YTHDC1: variants seen among roughly 807,000 people sequenced by gnomAD.
The protein encoded by YTHDC1 is YTH N6-methyladenosine RNA binding protein C1, also known as YTH domain-containing protein 1.
Under a neutral mutation model 107.0 loss-of-function variants are expected in YTHDC1, and 12 were observed. The observed-to-expected ratio is 0.11, with a 90% CI of 0.07 to 0.18. The LOEUF (loss-of-function observed/expected upper bound fraction) is 0.18, where lower values mean the gene tolerates loss of function less well. YTHDC1 is among the 10% of genes least tolerant of loss of function. The pLI is 1.00. For synonymous variants in YTHDC1, 280 were observed against 289.5 expected (o/e 0.97, Z 0.33); for missense variants, 635 against 898.8 (o/e 0.71, Z 3.75).
intron 1 of YTHDC1, among the ~76,000 whole-genome samples, chr4:68,345,785 T>C (rs1453375527): frequency 2.0e-5 from 3 of 152,038 alleles, no homozygotes; most frequent in East Asian, 3.9e-4. Flanking sequence ...TATATACACA[T>C]AGTATATACA....
In YTHDC1 at chr4:68,312,197, C is replaced by A. The variant is rs1721361184; in HGVS notation, c.*1902G>T. ...CACCAAATAAAAACATGGGTAAAAT[C>A]TTGGCCCATCAATTACTACCTTTCT... On this transcript the variant is annotated 3_prime_UTR_variant, in exon 17 of 17. Coordinates refer to ENST00000344157, the MANE Select transcript of YTHDC1 (RefSeq NM_001031732.4). 1 of 152,184 alleles carries A rather than the reference C, an allele frequency of 6.6e-6. No homozygotes were observed. Among genetic ancestry groups the A allele is most frequent in the Non-Finnish European group, 1.5e-5 (1 of 68,032 alleles). The allele number at this position is 152,184 out of a possible 1,614,324, so 9.4% of individuals were successfully genotyped here. A position where few individuals can be genotyped will look rare whatever the true frequency, so the allele number is the denominator to read the frequency against.
Position 68,337,885 on chromosome 4 carries a change from C to T in YTHDC1, c.146G>A (p.Ser49Asn). ...KNEKKGSKRK[S>N]DRMESTDTKR... Reference sequence around the variant, plus strand: ...GGTATCAGTAGATTCCATTCGATCACTTTTTCTTTTTGATCCTTTAAAATA... The same window carrying T: ...GGTATCAGTAGATTCCATTCGATCATTTTTTCTTTTTGATCCTTTAAAATA... The change falls in exon 3 of 17, where the codon AGT (serine) becomes AAT (asparagine). Residue 49 changes from serine (S) to asparagine (N), a missense_variant. Around this residue, in one of 5 missense-constraint regions of YTHDC1, gnomAD observed 294 missense variants for 312.3 expected, o/e 0.94. Transcript: ENST00000344157. 1 of 1,610,484 alleles carries T rather than the reference C, an allele frequency of 6.2e-7. No homozygotes were observed. The highest frequency in any genetic ancestry group is 8.5e-7 in the Non-Finnish European group (1 of 1,179,602).
intron 1 of YTHDC1, among the ~76,000 whole-genome samples, chr4:68,344,390 T>C (rs1442501671): frequency 1.3e-5 from 2 of 152,064 alleles, no homozygotes; most frequent in Admixed American, 6.5e-5. Context: ...AGTTTTAGTA[T>C]ACCGTATATA....
At position 68,333,415 on chromosome 4, in the gene YTHDC1, T is replaced by G; in HGVS notation, c.884-18A>C. ...TTTCTCATCTAAAAAGAACAAGAGTTTTTTTTTTAAATCACAATACAGAAA... is the reference window on the plus strand; with the variant it reads ...TTTCTCATCTAAAAAGAACAAGAGTGTTTTTTTTAAATCACAATACAGAAA... On this transcript the variant is annotated intron_variant, in intron 4 of 16. Coordinates refer to ENST00000344157, the MANE Select transcript of YTHDC1 (RefSeq NM_001031732.4). The G allele has an allele frequency of 6.4e-7, 1 of 1,561,738 alleles. No individual in the cohort carries two copies. The highest frequency in any genetic ancestry group is 8.7e-7 in the Non-Finnish European group (1 of 1,143,970).
At chr4:68,320,669 G>A (rs1722349815) in intron 11 of YTHDC1, among the ~76,000 whole-genome samples, 1 of 151,958 alleles carries the variant, frequency 6.6e-6, no homozygotes, top group Non-Finnish European at 1.5e-5. Context: ...GTCATTTTAG[G>A]TTAAGTCTAA....
chr4:68,315,480 T>C (rs1469480404), intron 16 of YTHDC1, among the ~76,000 whole-genome samples: 1 of 151,838 alleles, frequency 6.6e-6, no homozygotes, highest in Admixed American at 6.6e-5. Flanking sequence ...AAGTAGGGAG[T>C]GGAAAAAAAT....
rs1176129939 is a variant in YTHDC1 at position 68,312,861 on chromosome 4, T to G, written c.*1238A>C. The G allele has an allele frequency of 6.6e-6, 1 of 152,224 alleles. No individual in the cohort carries two copies. Among genetic ancestry groups the G allele is most frequent in the African/African-American group, 2.4e-5 (1 of 41,464 alleles). 9.4% of individuals were successfully genotyped at this position (152,224 alleles called of 1,614,324 possible). On this transcript the variant is annotated 3_prime_UTR_variant, in exon 17 of 17. Transcript: ENST00000344157. ...TAACTCAAGAAAAAATTCAAAAAAA[T>G]TATTTCATAAACTGTTTTCTTGAGC...
intron 2 of YTHDC1, 69 bp from the exon 3 acceptor site, chr4:68,337,969 G>A (rs1195863844): frequency 6.5e-7 from 1 of 1,529,864 alleles, no homozygotes. Flanking sequence ...ACCAAAGACT[G>A]ACAATAATAT....
intron 10 of YTHDC1, among the ~76,000 whole-genome samples, chr4:68,323,565 G>A (rs753583980): frequency 3.9e-5 from 6 of 151,900 alleles, no homozygotes; most frequent in South Asian, 2.1e-4. Flanking sequence ...TGTCTCGACC[G>A]AAAATACAAA....
At position 68,346,100 on chromosome 4, in the gene YTHDC1, T is replaced by TAC. The variant is rs1553908023; in HGVS notation, c.28+3624_28+3625dup. The stretch of plus-strand genomic sequence containing the variant: ...GTACATATATATATATATATATATA[T>TAC]ACACACACACCTGCATGTAACCGTC... On this transcript the variant is annotated intron_variant, in intron 1 of 16. Transcript: ENST00000344157. Among the ~76,000 whole-genome samples, 443 of 134,068 alleles carry TAC rather than the reference T, an allele frequency of 3.3e-3. 9 individuals are homozygous for TAC. The highest frequency in any genetic ancestry group is 0.027 in the East Asian group (129 of 4,734). The allele number at this position is 134,068 out of a possible 152,430, so 88.0% of individuals were successfully genotyped here. A position where few individuals can be genotyped will look rare whatever the true frequency, so the allele number is the denominator to read the frequency against.
rs573068074 is a variant in YTHDC1 at position 68,322,007 on chromosome 4, A to G, written c.1601+742T>C. ...GGCGATCCTCTAAAAAACACTTTTAAGTCCACAGGTACTGCCAGCATCTGG... is the reference window on the plus strand; with the variant it reads ...GGCGATCCTCTAAAAAACACTTTTAGGTCCACAGGTACTGCCAGCATCTGG... On this transcript the variant is annotated intron_variant, in intron 11 of 16. Coordinates refer to ENST00000344157, the MANE Select transcript of YTHDC1 (RefSeq NM_001031732.4). The surrounding 1 kb of genome is among the most constrained non-coding windows in gnomAD (Gnocchi z 4.8). 5.3e-5 allele frequency among the ~76,000 whole-genome samples: 8 copies of G among 152,332 alleles called. No homozygotes were observed. In the South Asian group the frequency reaches 1.4e-3, roughly 28 times the overall value.
chr4:68,335,789 TA>T (rs971883493), intron 4 of YTHDC1, among the ~76,000 whole-genome samples: 2 of 151,696 alleles, frequency 1.3e-5, no homozygotes, highest in African/African-American at 4.8e-5. Context: ...GATGGAAGCA[TA>T]AAGATTTCAT....
Position 68,324,050 on chromosome 4 carries a change from C to A in YTHDC1, c.1434+89G>T. On this transcript the variant is annotated intron_variant, in intron 10 of 16. Transcript: ENST00000344157. ...CAAATTCTCACGTGGTCTCTTTCAT[C>A]AGAAACGGTTAAAACGAATACATCA... The A allele has an allele frequency of 6.7e-6, 8 of 1,201,474 alleles. No homozygotes were observed. The South Asian group carries it at 1.2e-4, about 18-fold the overall frequency. 74.4% of individuals were successfully genotyped at this position (1,201,474 alleles called of 1,614,324 possible). A position where few individuals can be genotyped will look rare whatever the true frequency, so the allele number is the denominator to read the frequency against.
rs2109670232 is a variant in YTHDC1, at chr4:68,313,788, A to C, written c.*311T>G. 1 of 300,276 alleles carries C rather than the reference A, an allele frequency of 3.3e-6. No homozygotes were observed. The highest frequency in any genetic ancestry group is 7.8e-5 in the South Asian group (1 of 12,798). The allele number at this position is 300,276 out of a possible 1,614,324, so 18.6% of individuals were successfully genotyped here. Reference sequence around the variant, plus strand: ...CCAAAAAGGAAAAAAACAAACAAAAAAATAACTCTAGGATGAACACACTAT... The same window carrying C: ...CCAAAAAGGAAAAAAACAAACAAAACAATAACTCTAGGATGAACACACTAT... On this transcript the variant is annotated 3_prime_UTR_variant, in exon 17 of 17. Transcript: ENST00000344157.
intron 1 of YTHDC1, among the ~76,000 whole-genome samples, chr4:68,339,300 A>C (rs1222985817): frequency 6.6e-6 from 1 of 152,214 alleles, no homozygotes; most frequent in African/African-American, 2.4e-5. Flanking sequence ...AGACAAACCC[A>C]AATTAAAGGG....
Position 68,310,969 on chromosome 4 carries a change from T to TATA in YTHDC1, c.*3127_*3129dup, listed in dbSNP as rs1553900929. Reference sequence around the variant, plus strand: ...TCTGAAAAGTCAAACATTCAGGTGTTATAACTTGTATGAGATCCTGATTTA... The same window carrying TATA: ...TCTGAAAAGTCAAACATTCAGGTGTTATAATAACTTGTATGAGATCCTGATTTA... On this transcript the variant is annotated 3_prime_UTR_variant, in exon 17 of 17. Transcript: ENST00000344157. The TATA allele has an allele frequency of 2.0e-5, 3 of 152,194 alleles. No individual in the cohort carries two copies. Among genetic ancestry groups the TATA allele is most frequent in the Non-Finnish European group, 4.4e-5 (3 of 68,038 alleles). The allele number at this position is 152,194 out of a possible 1,614,324, so 9.4% of individuals were successfully genotyped here.
intron 1 of YTHDC1, among the ~76,000 whole-genome samples, chr4:68,341,494 G>T (rs188625677): frequency 2.0e-5 from 3 of 151,790 alleles, no homozygotes; most frequent in Non-Finnish European, 4.4e-5. Context: ...CCACAAACTG[G>T]CAAACTAAAA....
chr4:68,324,066 G>C lies in YTHDC1; in HGVS notation c.1434+73C>G, dbSNP rs114762116. 4.5e-6 allele frequency: 6 copies of C among 1,343,870 alleles called. No homozygotes were observed. The Admixed American group carries it at 1.1e-4, about 24-fold the overall frequency. 83.2% of individuals were successfully genotyped at this position (1,343,870 alleles called of 1,614,324 possible). A position where few individuals can be genotyped will look rare whatever the true frequency, so the allele number is the denominator to read the frequency against. On this transcript the variant is annotated intron_variant, in intron 10 of 16. Coordinates refer to ENST00000344157, the MANE Select transcript of YTHDC1 (RefSeq NM_001031732.4). ...CTCTTTCATCAGAAACGGTTAAAAC[G>C]AATACATCAATAAAGATCTCTAAAA...
intron 2 of YTHDC1, 122 bp downstream of exon 2, chr4:68,338,161 G>T (rs992610379): frequency 1.6e-6 from 2 of 1,289,566 alleles, no homozygotes; most frequent in East Asian, 2.6e-5. Context: ...AGTTTATTAT[G>T]TACATTTAGT....
Sources: gnomAD v4.1 joint callset for allele counts (sites outside exome capture counted in the v4.1 genomes callset) on GRCh38, gnomAD v4.1.1 for gene constraint, gnomAD v4.1.1 regional missense constraint, Gnocchi (gnomAD v3.1) non-coding constraint, MANE v1.5 for transcripts, NCBI Gene and HGNC (gene_info 2026-07-23, HGNC 2026-07-21) for gene names.